TEN1: variants seen among roughly 807,000 people sequenced by gnomAD.
The protein encoded by TEN1 is CST complex subunit TEN1.
Under a neutral mutation model 9.3 loss-of-function variants are expected in TEN1, and 6 were observed. The ratio of observed to expected loss-of-function variants is 0.65; its 90% confidence interval spans 0.35 to 1.27. TEN1 has a LOEUF of 1.27. Ranked by LOEUF, TEN1 falls within the 50% of genes most tolerant of loss-of-function variation. TEN1 has a pLI of 0.03. For missense variants in TEN1, 149 were observed against 158.2 expected, an observed-to-expected ratio of 0.94 and a Z score of 0.31; for synonymous variants, 65 against 65.6, an observed-to-expected ratio of 0.99 and a Z score of 0.04.
chr17:75,994,937 G>A (rs1374712045), intron 3 of TEN1, among the ~76,000 whole-genome samples: 2 of 152,140 alleles, frequency 1.3e-5, no homozygotes, highest in Non-Finnish European at 2.9e-5. Context: ...ACCTCCCTGT[G>A]AAAACCAAGT....
chr17:75,982,421 C>T (rs912676424), intron 1 of TEN1, among the ~76,000 whole-genome samples: 8 of 152,132 alleles, frequency 5.3e-5, no homozygotes, highest in East Asian at 1.9e-4. Flanking sequence ...TTTTTTGCAG[C>T]GAAACTTCAG....
intron 1 of TEN1, among the ~76,000 whole-genome samples, chr17:75,979,814 C>CT (rs2066102443): frequency 1.3e-5 from 2 of 151,752 alleles, no homozygotes; most frequent in East Asian, 3.9e-4. Context: ...GGCGTCTTTA[C>CT]TGGCAGAGGC....
chr17:75,994,468 G>A (rs1215437496), intron 3 of TEN1, among the ~76,000 whole-genome samples: 2 of 151,150 alleles, frequency 1.3e-5, no homozygotes, highest in Non-Finnish European at 1.5e-5. Context: ...AGTTTGTCTT[G>A]ATTTTCTCTT....
chr17:75,997,750 A>T (rs1355073617), intron 3 of TEN1, among the ~76,000 whole-genome samples: 1 of 151,942 alleles, frequency 6.6e-6, no homozygotes, highest in Non-Finnish European at 1.5e-5. Context: ...TCCTAAAAGA[A>T]CATCTGTGCT....
intron 2 of TEN1, among the ~76,000 whole-genome samples, chr17:75,987,008 G>A (rs2066156580): frequency 1.3e-5 from 2 of 152,108 alleles, no homozygotes; most frequent in Admixed American, 1.3e-4. Flanking sequence ...GTTTTTCGTA[G>A]AGACAGGGTA....
At chr17:75,999,671 C>A (rs983745019) in intron 3 of TEN1, among the ~76,000 whole-genome samples, 1 of 152,066 alleles carries the variant, frequency 6.6e-6, no homozygotes, top group African/African-American at 2.4e-5. Context: ...AAAAGTCTCT[C>A]GGAGATGTCT....
rs370386485 is a variant in TEN1 at position 76,000,103 on chromosome 17, G to A, written c.251-38G>A. The stretch of plus-strand genomic sequence containing the variant: ...CCTTGGAGGACGTTGTTGACACGCC[G>A]CTCAGTCGCCGTTCGTGCCCTGGTG... On this transcript the variant is annotated intron_variant, in intron 3 of 3. Transcript: ENST00000397640. This position sits in a 1 kb window ranked among gnomAD's most constrained non-coding sequence, Gnocchi z 5.9. 430 of 1,543,804 alleles carry A rather than the reference G, an allele frequency of 2.8e-4. 1 individual carries two copies. Among genetic ancestry groups the A allele is most frequent in the South Asian group, 6.3e-4 (53 of 83,570 alleles).
chr17:75,994,825 G>A (rs764485872), intron 3 of TEN1, among the ~76,000 whole-genome samples: 4 of 152,220 alleles, frequency 2.6e-5, no homozygotes, highest in East Asian at 1.9e-4. Context: ...GAGGGAACTC[G>A]AATCAAAGAT....
chr17:76,000,461 T>C lies in TEN1; in HGVS notation c.*199T>C. On this transcript the variant is annotated 3_prime_UTR_variant, in exon 4 of 4. Coordinates refer to ENST00000397640, the MANE Select transcript of TEN1 (RefSeq NM_001113324.3). The surrounding 1 kb of genome is among the most constrained non-coding windows in gnomAD (Gnocchi z 5.9). ...GAGAACCCAGAAAGCATGCCATAAA[T>C]CCGACAGCCCCACCCCAGGAGACTG... 1 of 813,984 alleles carries C rather than the reference T, an allele frequency of 1.2e-6. No homozygotes were observed. Among genetic ancestry groups the C allele is most frequent in the Non-Finnish European group, 1.8e-6 (1 of 547,486 alleles). 50.4% of individuals were successfully genotyped at this position (813,984 alleles called of 1,614,324 possible).
At chr17:75,986,341 C>A in intron 2 of TEN1, 57 bp downstream of exon 2, 1 of 1,353,366 alleles carries the variant, frequency 7.4e-7, no homozygotes, top group South Asian at 1.4e-5. Flanking sequence ...ATGTCTTTCT[C>A]TACCTCCAAA....
intron 1 of TEN1, among the ~76,000 whole-genome samples, chr17:75,982,297 A>G (rs1019838984): frequency 6.6e-6 from 1 of 152,208 alleles, no homozygotes; most frequent in African/African-American, 2.4e-5. Context: ...TCATTTGCAT[A>G]AAAATGTACA....
intron 3 of TEN1, among the ~76,000 whole-genome samples, chr17:75,996,834 ATCCTTACAGC>A (rs1364745487): frequency 4.6e-5 from 7 of 152,088 alleles, no homozygotes; most frequent in African/African-American, 1.4e-4. Flanking sequence ...CTCTTCGAGC[ATCCTTACAGC>A]TCTGGGACTT....
intron 2 of TEN1, among the ~76,000 whole-genome samples, chr17:75,987,601 C>G (rs1342857591): frequency 6.6e-6 from 1 of 152,180 alleles, no homozygotes; most frequent in Admixed American, 6.6e-5. Context: ...ATCTTAGAGA[C>G]ACGTGTACAT....
In TEN1 at chr17:75,989,094, T is replaced by C. The variant is rs1359610614; in HGVS notation, c.93-2372T>C. Among the ~76,000 whole-genome samples, 4 of 150,140 alleles carry C rather than the reference T, an allele frequency of 2.7e-5. No homozygotes were observed. The South Asian group carries it at 6.3e-4, about 24-fold the overall frequency. On this transcript the variant is annotated intron_variant, in intron 2 of 3. Coordinates refer to ENST00000397640, the MANE Select transcript of TEN1 (RefSeq NM_001113324.3). ...CCTACTTAGCCAATTCTTTATTGAT[T>C]TTCTTTTCTTTTTTTCTTTTTTTGA... is the stretch of plus-strand genomic sequence containing the variant.
intron 2 of TEN1, among the ~76,000 whole-genome samples, chr17:75,990,204 C>T (rs11869029): frequency 6.6e-6 from 1 of 151,690 alleles, no homozygotes; most frequent in Non-Finnish European, 1.5e-5. Context: ...TGCCACCATG[C>T]CTGGCTAATT....
chr17:75,998,002 C>A (rs2066227489), intron 3 of TEN1, among the ~76,000 whole-genome samples: 1 of 151,814 alleles, frequency 6.6e-6, no homozygotes, highest in South Asian at 2.1e-4. Flanking sequence ...CAGGTGCCCG[C>A]CACCACACCC....
intron 1 of TEN1, among the ~76,000 whole-genome samples, chr17:75,982,859 C>T (rs926122190): frequency 9.9e-5 from 15 of 151,620 alleles, no homozygotes; most frequent in East Asian, 2.0e-4. Context: ...TACAGGCACC[C>T]GCCATCATGC....
chr17:75,991,688 G>A, intron 3 of TEN1, 65 bp downstream of exon 3: 1 of 1,510,412 alleles, frequency 6.6e-7, no homozygotes, highest in South Asian at 1.2e-5. Flanking sequence ...CTTCGGGGCA[G>A]TCAGTGAGAA....
At chr17:75,997,222 C>T (rs1209175831) in intron 3 of TEN1, among the ~76,000 whole-genome samples, 2 of 152,162 alleles carry the variant, frequency 1.3e-5, no homozygotes, top group African/African-American at 4.8e-5. Flanking sequence ...CCAGCCTCCA[C>T]CCTCCTGGTT....
Sources: allele counts gnomAD v4.1 joint callset (sites outside exome capture counted in the v4.1 genomes callset), GRCh38; gene constraint gnomAD v4.1.1; non-coding constraint Gnocchi (gnomAD v3.1); transcripts MANE v1.5; gene names NCBI Gene and HGNC (gene_info 2026-07-23, HGNC 2026-07-21).